The following TMEM132D variants were observed in gnomAD, a reference collection of about 807,000 sequenced individuals.
The protein encoded by TMEM132D is mature OL transmembrane protein.
Under a neutral mutation model 62.3 loss-of-function variants are expected in TMEM132D, and 21 were observed. The ratio of observed to expected loss-of-function variants is 0.34; its 90% CI spans 0.24 to 0.49. TMEM132D has a LOEUF of 0.49. Ranked by LOEUF, TMEM132D falls within the 20% of genes least tolerant of loss-of-function variation. The pLI, the probability that TMEM132D is intolerant of heterozygous loss-of-function variation, is 0.99. For missense variants in TMEM132D, 1,346 were observed against 1,402.8 expected, an observed-to-expected ratio of 0.96 and a Z score of 0.65; for synonymous variants, 621 against 575.6, an observed-to-expected ratio of 1.08 and a Z score of -1.13.
chr12:129,309,946 C>T (rs57559922), intron 4 of TMEM132D, among the ~76,000 whole-genome samples: 35,540 of 151,828 alleles, frequency 0.23, 4,477 homozygotes, highest in Non-Finnish European at 0.28. Flanking sequence ...TGGAAGGGCC[C>T]GGTGTGGAAA....
intron 1 of TMEM132D, among the ~76,000 whole-genome samples, chr12:129,729,733 A>G (rs1869160214): frequency 6.6e-6 from 1 of 152,152 alleles, no homozygotes; most frequent in African/African-American, 2.4e-5. Flanking sequence ...GTTTACAAGG[A>G]AGTTGGTTAG....
chr12:129,830,905 C>T (rs73160258), intron 1 of TMEM132D, among the ~76,000 whole-genome samples: 9,329 of 152,148 alleles, frequency 0.061, 370 homozygotes, highest in East Asian at 0.11. Flanking sequence ...CTACTGCATG[C>T]TACTCAAATT....
chr12:129,229,585 T>C (rs1879579331), intron 4 of TMEM132D, among the ~76,000 whole-genome samples: 1 of 152,220 alleles, frequency 6.6e-6, no homozygotes, highest in East Asian at 1.9e-4. Context: ...GAATTTTCTG[T>C]AGGCTGGGAG....
chr12:129,324,202 G>T (rs1185172146), intron 4 of TMEM132D, among the ~76,000 whole-genome samples: 1 of 152,144 alleles, frequency 6.6e-6, no homozygotes, highest in African/African-American at 2.4e-5. Context: ...TCTTAGCCTG[G>T]CCTGGGTATC....
chr12:129,271,243 C>A (rs963244646), intron 4 of TMEM132D, among the ~76,000 whole-genome samples: 3 of 149,310 alleles, frequency 2.0e-5, no homozygotes, highest in African/African-American at 7.7e-5. Flanking sequence ...AGACTGGGAG[C>A]CCCCTCCGTG....
chr12:129,136,344 C>A (rs1020319492), intron 5 of TMEM132D, among the ~76,000 whole-genome samples: 1 of 152,120 alleles, frequency 6.6e-6, no homozygotes. Context: ...CGTGTCAGAG[C>A]TCCTTATTCA....
intron 5 of TMEM132D, among the ~76,000 whole-genome samples, chr12:129,177,865 T>A (rs954255039): frequency 6.6e-6 from 1 of 152,196 alleles, no homozygotes; most frequent in Admixed American, 6.5e-5. Context: ...GATCATCCCA[T>A]CACCTAGCTA....
chr12:129,559,201 A>T (rs1179274016), intron 2 of TMEM132D, among the ~76,000 whole-genome samples: 1 of 152,238 alleles, frequency 6.6e-6, no homozygotes, highest in African/African-American at 2.4e-5. Context: ...TTTATAAAGT[A>T]GGTACAAAGG....
intron 4 of TMEM132D, among the ~76,000 whole-genome samples, chr12:129,331,958 C>T (rs931247435): frequency 2.0e-5 from 3 of 152,198 alleles, no homozygotes; most frequent in Admixed American, 1.3e-4. Flanking sequence ...TGCCCCTAAT[C>T]CCAGCATTTT....
chr12:129,522,950 TTA>T (rs10649673), intron 3 of TMEM132D, among the ~76,000 whole-genome samples: 11 of 149,560 alleles, frequency 7.4e-5, no homozygotes, highest in African/African-American at 1.2e-4. Flanking sequence ...TAGACATAGA[TTA>T]TATATATATA....
At chr12:129,468,613 A>G (rs1489514862) in intron 3 of TMEM132D, among the ~76,000 whole-genome samples, 1 of 152,200 alleles carries the variant, frequency 6.6e-6, no homozygotes, top group Non-Finnish European at 1.5e-5. Context: ...AAAAGTCACA[A>G]GACATTAATA....
chr12:129,599,177 C>G (rs750823125), intron 2 of TMEM132D, among the ~76,000 whole-genome samples: 8 of 152,136 alleles, frequency 5.3e-5, no homozygotes, highest in Non-Finnish European at 1.0e-4. Context: ...AATCCTAGAG[C>G]CAGTCATGCT....
intron 1 of TMEM132D, among the ~76,000 whole-genome samples, chr12:129,845,665 A>C (rs1873336804): frequency 6.6e-6 from 1 of 152,244 alleles, no homozygotes; most frequent in Non-Finnish European, 1.5e-5. Context: ...CACTATTATA[A>C]ACAGTATCTA....
chr12:129,543,117 A>AGATGGATG (rs575079072), intron 2 of TMEM132D, among the ~76,000 whole-genome samples: 2 of 141,054 alleles, frequency 1.4e-5, no homozygotes, highest in Non-Finnish European at 3.0e-5. Context: ...ATAGATGGAT[A>AGATGGATG]GATGGATGGA....
intron 1 of TMEM132D, among the ~76,000 whole-genome samples, chr12:129,825,026 T>C (rs1035784087): frequency 6.7e-5 from 10 of 149,406 alleles, no homozygotes; most frequent in Middle Eastern, 3.4e-3. Context: ...TTTTTTTTTT[T>C]TCCCTGAGAT....
At chr12:129,346,007 G>A (rs1273623488) in intron 3 of TMEM132D, among the ~76,000 whole-genome samples, 3 of 152,176 alleles carry the variant, frequency 2.0e-5, no homozygotes, top group Admixed American at 6.5e-5. Flanking sequence ...AGTTTTAGGA[G>A]GAATGGTACC....
intron 2 of TMEM132D, among the ~76,000 whole-genome samples, chr12:129,534,465 T>C (rs537030720): frequency 7.7e-4 from 117 of 151,862 alleles, no homozygotes; most frequent in Non-Finnish European, 1.2e-3. Context: ...TATATACATA[T>C]ATGTATACAT....
At chr12:129,655,073 C>T (rs1430812336) in intron 2 of TMEM132D, among the ~76,000 whole-genome samples, 2 of 151,236 alleles carry the variant, frequency 1.3e-5, no homozygotes, top group South Asian at 2.1e-4. Flanking sequence ...TCAGCCTCCA[C>T]AGTAGATGGG....
In TMEM132D at chr12:129,596,136, T is replaced by C. The variant is rs1023497100; in HGVS notation, c.969-64931A>G. On this transcript the variant is annotated intron_variant, in intron 2 of 8. Coordinates refer to ENST00000422113, the MANE Select transcript of TMEM132D (RefSeq NM_133448.3). ...ATGTACACAGGAGACAAATTGGGTA[T>C]GGTTTTGTGGGCCATAGTGGAGATG... is the stretch of plus-strand genomic sequence containing the variant. 3.9e-5 allele frequency among the ~76,000 whole-genome samples: 6 copies of C among 152,272 alleles called. No homozygotes were observed. In the South Asian group the frequency reaches 1.2e-3, roughly 32 times the overall value.
Sources: gnomAD v4.1 joint callset for allele counts (sites outside exome capture counted in the v4.1 genomes callset) on GRCh38, gnomAD v4.1.1 for gene constraint, MANE v1.5 for transcripts, NCBI Gene and HGNC (gene_info 2026-07-23, HGNC 2026-07-21) for gene names.